MEX3D: variants seen among roughly 807,000 people sequenced by gnomAD.
The protein encoded by MEX3D is mex-3 RNA binding family member D.
Under a neutral mutation model 6.3 loss-of-function variants are expected in MEX3D, and 4 were observed. The ratio of observed to expected loss-of-function variants is 0.64; its 90% confidence interval spans 0.31 to 1.46. The LOEUF (loss-of-function observed/expected upper bound fraction) is 1.46. Ranked by LOEUF, MEX3D falls within the 40% of genes most tolerant of loss-of-function variation. The probability of loss-of-function intolerance (pLI) is 0.07; values close to 1 mark genes in which losing one functional copy is unlikely to be tolerated. For synonymous variants in MEX3D, 626 were observed against 494.1 expected, an observed-to-expected ratio of 1.27 and a Z score of -3.54; for missense variants, 1,038 against 994.4, an observed-to-expected ratio of 1.04 and a Z score of -0.59.
In MEX3D at chr19:1,567,070, G is replaced by A. The variant is rs916898663; in HGVS notation, c.595+394C>T. ...CCCCCTAAGCCACCCCTAAACCTGC[G>A]CTTGCCCCGCCCCGCCGCCTGTGCT... On this transcript the variant is annotated intron_variant, in intron 1 of 1. Coordinates refer to ENST00000402693, the MANE Select transcript of MEX3D (RefSeq NM_203304.4). This position sits in a 1 kb window ranked among gnomAD's most constrained non-coding sequence, Gnocchi z 6.5. Among the ~76,000 whole-genome samples, 13 of 151,970 alleles carry A rather than the reference G, an allele frequency of 8.6e-5. No individual in the cohort carries two copies. Among genetic ancestry groups the A allele is most frequent in the Non-Finnish European group, 1.5e-4 (10 of 67,926 alleles).
intron 1 of MEX3D, among the ~76,000 whole-genome samples, chr19:1,562,070 G>C (rs1222530458): frequency 1.3e-5 from 2 of 151,702 alleles, no homozygotes; most frequent in African/African-American, 2.4e-5. Context: ...GACCATCCTA[G>C]CTAACACGGT....
Position 1,555,229 on chromosome 19 carries a change from CT to C in MEX3D, c.*333del. 9.8e-6 allele frequency: 12 copies of C among 1,229,402 alleles called. No homozygotes were observed. The highest frequency in any genetic ancestry group is 1.2e-5 in the Non-Finnish European group (11 of 923,406). 76.2% of individuals were successfully genotyped at this position (1,229,402 alleles called of 1,614,324 possible). A position where few individuals can be genotyped will look rare whatever the true frequency, so the allele number is the denominator to read the frequency against. On this transcript the variant is annotated 3_prime_UTR_variant, in exon 2 of 2. Transcript: ENST00000402693. ...TGGAAAAGTCGTGTTTTTTGTTTTG[CT>C]TTTTTAAAGATCACCCTGGAGGGGA... is the stretch of plus-strand genomic sequence containing the variant.
chr19:1,561,555 AG>A (rs1301342150), intron 1 of MEX3D, among the ~76,000 whole-genome samples: 2 of 152,180 alleles, frequency 1.3e-5, no homozygotes, highest in Admixed American at 1.3e-4. Context: ...CTCCCAGGCC[AG>A]GAACAGTGGC....
rs1914893376 is a variant in MEX3D, at chr19:1,567,930, C to T, written c.129G>A (p.Ala43=). 1 of 977,764 alleles carries T rather than the reference C, an allele frequency of 1.0e-6. No homozygotes were observed. Among genetic ancestry groups the T allele is most frequent in the African/African-American group, 1.8e-5 (1 of 55,816 alleles). The allele number at this position is 977,764 out of a possible 1,614,324, so 60.6% of individuals were successfully genotyped here. A position where few individuals can be genotyped will look rare whatever the true frequency, so the allele number is the denominator to read the frequency against. The stretch of plus-strand genomic sequence containing the variant: ...GTTCGGGCGGCGGCCGGGGCGCGGG[C>T]GCGGCCTCCTGGGCGCCCTCGGGCG... ...APPPEGAQEA[A]PAPRPPPEPD... is the part of the protein sequence containing the mutation. The change falls in exon 1 of 2, where the codon GCG becomes GCA. Residue 43 remains alanine, a synonymous_variant. Coordinates refer to ENST00000402693, the MANE Select transcript of MEX3D (RefSeq NM_203304.4). This position sits in a 1 kb window ranked among gnomAD's most constrained non-coding sequence, Gnocchi z 6.5.
At chr19:1,562,569 G>A (rs539602531) in intron 1 of MEX3D, among the ~76,000 whole-genome samples, 95 of 152,118 alleles carry the variant, frequency 6.2e-4, no homozygotes, top group African/African-American at 1.2e-3. Context: ...GTGTTGGTGC[G>A]CACCTGTGGT....
chr19:1,555,448 CT>C lies in MEX3D; in HGVS notation c.*114del. 123 of 1,447,250 alleles carry C rather than the reference CT, an allele frequency of 8.5e-5. No individual in the cohort carries two copies. Among genetic ancestry groups the C allele is most frequent in the South Asian group, 6.9e-4 (55 of 79,860 alleles). 89.7% of individuals were successfully genotyped at this position (1,447,250 alleles called of 1,614,324 possible). A position where few individuals can be genotyped will look rare whatever the true frequency, so the allele number is the denominator to read the frequency against. On this transcript the variant is annotated 3_prime_UTR_variant, in exon 2 of 2. Transcript: ENST00000402693. ...TGGCCGCCGCCCACCCCCCTGCCCC[CT>C]CGGCCTCCGCCCCTCGCCCCCTCCC...
Position 1,555,526 on chromosome 19 carries a change from C to A in MEX3D, c.*37G>T. 1 of 1,534,596 alleles carries A rather than the reference C, an allele frequency of 6.5e-7. No homozygotes were observed. The highest frequency in any genetic ancestry group is 8.8e-7 in the Non-Finnish European group (1 of 1,140,760). ...CCCGTCTCCCGCGCCCACCCCTGGC[C>A]CCCGCAGATGGCCCCGGCCACGTGG... On this transcript the variant is annotated 3_prime_UTR_variant, in exon 2 of 2. Transcript: ENST00000402693.
Position 1,567,046 on chromosome 19 carries a change from C to T in MEX3D, c.595+418G>A, listed in dbSNP as rs1404517841. Reference sequence around the variant, plus strand: ...TTCTCTCCCGGTCCTGCAGGCGGCCCCCCTAAGCCACCCCTAAACCTGCGC... The same window carrying T: ...TTCTCTCCCGGTCCTGCAGGCGGCCTCCCTAAGCCACCCCTAAACCTGCGC... On this transcript the variant is annotated intron_variant, in intron 1 of 1. Transcript: ENST00000402693. The surrounding 1 kb of genome is among the most constrained non-coding windows in gnomAD (Gnocchi z 6.5). Among the ~76,000 whole-genome samples the T allele has an allele frequency of 1.3e-5, 2 of 152,136 alleles. No homozygotes were observed. Among genetic ancestry groups the T allele is most frequent in the Non-Finnish European group, 2.9e-5 (2 of 67,990 alleles).
chr19:1,566,740 A>T (rs1352635674), intron 1 of MEX3D, among the ~76,000 whole-genome samples: 1 of 151,156 alleles, frequency 6.6e-6, no homozygotes, highest in East Asian at 1.9e-4. Context: ...TCACCCTGCA[A>T]ATCTCAGCCT....
Position 1,556,308 on chromosome 19 carries a change from G to C in MEX3D, c.1211C>G (p.Ala404Gly). Reference sequence around the variant, plus strand: ...GCCGCCGCGGCTGCCCGCGTAGAAGGCCTCGGGGGCGCTGGGGGCGCCCAG... The same window carrying C: ...GCCGCCGCGGCTGCCCGCGTAGAAGCCCTCGGGGGCGCTGGGGGCGCCCAG... ...TALGAPSAPEAFYAGSRGGPS... is the reference protein window; with the variant it reads ...TALGAPSAPEGFYAGSRGGPS... Residue 404 changes from alanine (A) to glycine (G), a missense_variant, in exon 2 of 2, where the codon GCC becomes GGC. Coordinates refer to ENST00000402693, the MANE Select transcript of MEX3D (RefSeq NM_203304.4). The surrounding 1 kb of genome is among the most constrained non-coding windows in gnomAD (Gnocchi z 7.5). The C allele has an allele frequency of 3.8e-6, 5 of 1,310,174 alleles. No individual in the cohort carries two copies. In the South Asian group the frequency reaches 5.6e-5, roughly 15 times the overall value. The allele number at this position is 1,310,174 out of a possible 1,614,324, so 81.2% of individuals were successfully genotyped here.
At chr19:1,563,568 G>A (rs1173962430) in intron 1 of MEX3D, among the ~76,000 whole-genome samples, 1 of 152,166 alleles carries the variant, frequency 6.6e-6, no homozygotes, top group Admixed American at 6.5e-5. Flanking sequence ...ATTCACCCAG[G>A]GTGCCTGGCA....
At chr19:1,559,149 G>C (rs1914657008) in intron 1 of MEX3D, among the ~76,000 whole-genome samples, 1 of 151,668 alleles carries the variant, frequency 6.6e-6, no homozygotes, top group Non-Finnish European at 1.5e-5. Flanking sequence ...ATTAGTTATT[G>C]AGACGGAGTT....
intron 1 of MEX3D, among the ~76,000 whole-genome samples, chr19:1,562,671 CAG>C (rs1241891486): frequency 6.6e-6 from 1 of 152,108 alleles, no homozygotes; most frequent in African/African-American, 2.4e-5. Flanking sequence ...GCACTCAGGA[CAG>C]AGCAACAGAA....
intron 1 of MEX3D, among the ~76,000 whole-genome samples, chr19:1,559,442 T>C (rs746896057): frequency 6.6e-6 from 1 of 151,932 alleles, no homozygotes; most frequent in Non-Finnish European, 1.5e-5. Context: ...CTATTTTTAT[T>C]TTTAGTAGAG....
In MEX3D at chr19:1,568,311, C is replaced by A. The variant is rs1004364220; in HGVS notation, c.-253G>T. The stretch of plus-strand genomic sequence containing the variant: ...ACGGCGGCGGCGGCTCCTCGGCGGC[C>A]GAGGCGGCGGCGGCGGCGCGGGACG... On this transcript the variant is annotated 5_prime_UTR_variant, in exon 1 of 2. Coordinates refer to ENST00000402693, the MANE Select transcript of MEX3D (RefSeq NM_203304.4). Among the ~76,000 whole-genome samples the A allele has an allele frequency of 2.2e-5, 3 of 139,476 alleles. No individual in the cohort carries two copies. Among genetic ancestry groups the A allele is most frequent in the African/African-American group, 7.7e-5 (3 of 38,826 alleles). The allele number at this position is 139,476 out of a possible 152,430, so 91.5% of individuals were successfully genotyped here.
At position 1,556,769 on chromosome 19, in the gene MEX3D, G is replaced by T; in HGVS notation, c.750C>A (p.Ile250=). 3 of 1,612,528 alleles carry T rather than the reference G, an allele frequency of 1.9e-6. No homozygotes were observed. The highest frequency in any genetic ancestry group is 1.1e-5 in the South Asian group (1 of 91,088). ...ILSAAEHFSI[I]RATRSKAGGL... Reference sequence around the variant, plus strand: ...CCCCGGCCTTGCTGCGCGTGGCGCGGATGATGGAGAAGTGTTCGGCCGCCG... The same window carrying T: ...CCCCGGCCTTGCTGCGCGTGGCGCGTATGATGGAGAAGTGTTCGGCCGCCG... Residue 250 remains isoleucine (I), a synonymous_variant, in exon 2 of 2, where the codon ATC becomes ATA. Coordinates refer to ENST00000402693, the MANE Select transcript of MEX3D (RefSeq NM_203304.4). The surrounding 1 kb of genome is among the most constrained non-coding windows in gnomAD (Gnocchi z 7.5).
chr19:1,567,166 C>T lies in MEX3D; in HGVS notation c.595+298G>A, dbSNP rs1190971911. Among the ~76,000 whole-genome samples, 3 of 151,946 alleles carry T rather than the reference C, an allele frequency of 2.0e-5. No homozygotes were observed. The highest frequency in any genetic ancestry group is 6.6e-5 in the Admixed American group (1 of 15,252). ...CCCCTCTCTGGGGTGCCCCTGCGGG[C>T]GGCCGAGGGCCTGGGCTGCGGCGCG... is the stretch of plus-strand genomic sequence containing the variant. On this transcript the variant is annotated intron_variant, in intron 1 of 1. Transcript: ENST00000402693. The surrounding 1 kb of genome is among the most constrained non-coding windows in gnomAD (Gnocchi z 6.5).
Position 1,567,902 on chromosome 19 carries a change from C to A in MEX3D, c.157G>T (p.Asp53Tyr). The A allele has an allele frequency of 6.1e-6, 6 of 980,008 alleles. No individual in the cohort carries two copies. Among genetic ancestry groups the A allele is most frequent in the South Asian group, 9.1e-5 (2 of 21,876 alleles). The allele number at this position is 980,008 out of a possible 1,614,324, so 60.7% of individuals were successfully genotyped here. Reference sequence around the variant, plus strand: ...AGGCGGAGCGCGGCGGCCGCGTCGTCGGGTTCGGGCGGCGGCCGGGGCGCG... The same window carrying A: ...AGGCGGAGCGCGGCGGCCGCGTCGTAGGGTTCGGGCGGCGGCCGGGGCGCG... ...APAPRPPPEP[D>Y]DAAAALRLAL... Residue 53 changes from aspartate (D) to tyrosine (Y), a missense_variant, in exon 1 of 2, where the codon GAC becomes TAC. Transcript: ENST00000402693. This position sits in a 1 kb window ranked among gnomAD's most constrained non-coding sequence, Gnocchi z 6.5.
In MEX3D at chr19:1,556,778, G is replaced by A. The variant is rs1409448937; in HGVS notation, c.741C>T (p.Phe247=). ...KREILSAAEH[F]SIIRATRSKA... Reference sequence around the variant, plus strand: ...TGCTGCGCGTGGCGCGGATGATGGAGAAGTGTTCGGCCGCCGACAGGATCT... The same window carrying A: ...TGCTGCGCGTGGCGCGGATGATGGAAAAGTGTTCGGCCGCCGACAGGATCT... The change falls in exon 2 of 2, where the codon TTC becomes TTT. Residue 247 remains phenylalanine (F), a synonymous_variant. Transcript: ENST00000402693. The surrounding 1 kb of genome is among the most constrained non-coding windows in gnomAD (Gnocchi z 7.5). The A allele has an allele frequency of 6.2e-7, 1 of 1,612,582 alleles. No homozygotes were observed. The highest frequency in any genetic ancestry group is 1.1e-5 in the South Asian group (1 of 91,088).
Sources: allele counts gnomAD v4.1 joint callset (sites outside exome capture counted in the v4.1 genomes callset), GRCh38; gene constraint gnomAD v4.1.1; non-coding constraint Gnocchi (gnomAD v3.1); transcripts MANE v1.5; gene names NCBI Gene and HGNC (gene_info 2026-07-23, HGNC 2026-07-21).